The following ADPRS variants were observed in gnomAD, a reference collection of about 807,000 sequenced individuals.
ADPRS encodes ADP-ribosylhydrolase ARH3.
In ADPRS, 25 loss-of-function variants were observed where a neutral mutation model predicts 32.1. The ratio of observed to expected loss-of-function variants is 0.78; its 90% CI spans 0.57 to 1.09. The LOEUF (loss-of-function observed/expected upper bound fraction) is 1.09. Ranked by LOEUF, ADPRS falls within the 50% of genes least tolerant of loss-of-function variation. The pLI is 0.00. For synonymous variants in ADPRS, 225 were observed against 201.0 expected, an observed-to-expected ratio of 1.12 and a Z score of -1.01; for missense variants, 482 against 480.6, an observed-to-expected ratio of 1.00 and a Z score of -0.03.
Position 36,093,170 on chromosome 1 carries a change from T to C in ADPRS, c.876T>C (p.Pro292=). 6.2e-7 allele frequency: 1 copy of C among 1,614,234 alleles called. No individual in the cohort carries two copies. The highest frequency in any genetic ancestry group is 1.1e-5 in the South Asian group (1 of 91,090). Residue 292 remains proline (P), a synonymous_variant, in exon 6 of 6, where the codon CCT becomes CCC. Coordinates refer to ENST00000373178, the MANE Select transcript of ADPRS (RefSeq NM_017825.3). ...TCCTACGCTGCATGGAGCCAGACCCTGAGATCCCTTCTGCCTTCAATAGCC... is the reference window on the plus strand; with the variant it reads ...TCCTACGCTGCATGGAGCCAGACCCCGAGATCCCTTCTGCCTTCAATAGCC... ...YCFLRCMEPD[P]EIPSAFNSLQ... is the part of the protein sequence containing the mutation.
rs771497461 is a variant in ADPRS, at chr1:36,093,467, G to C, written c.*81G>C. On this transcript the variant is annotated 3_prime_UTR_variant, in exon 6 of 6. Transcript: ENST00000373178. ...AATCAGAAACCCTGCGCTTCCTTGA[G>C]TGTGGCTTCCCACTTTTCCTGCATT... The C allele has an allele frequency of 6.6e-7, 1 of 1,526,004 alleles. No individual in the cohort carries two copies. Among genetic ancestry groups the C allele is most frequent in the Non-Finnish European group, 8.8e-7 (1 of 1,132,632 alleles). 94.5% of individuals were successfully genotyped at this position (1,526,004 alleles called of 1,614,324 possible).
rs1406161225 is a variant in ADPRS at position 36,088,952 on chromosome 1, G to A, written c.48G>A (p.Ala16=). 2.6e-6 allele frequency: 4 copies of A among 1,512,914 alleles called. No homozygotes were observed. The African/African-American group carries it at 5.8e-5, about 22-fold the overall frequency. 93.7% of individuals were successfully genotyped at this position (1,512,914 alleles called of 1,614,324 possible). The change falls in exon 1 of 6, where the codon GCG becomes GCA. Residue 16 remains alanine, a synonymous_variant. Transcript: ENST00000373178. ...MAAAAGGGAG[A]ARSLSRFRGC... is the part of the protein sequence containing the mutation. ...CAGCGGCAGGTGGAGGGGCTGGCGC[G>A]GCCCGCTCCCTCTCGCGCTTCCGAG...
In ADPRS at chr1:36,093,287, G is replaced by C. The variant is rs757925811; in HGVS notation, c.993G>C (p.Gly331=). 6.2e-7 allele frequency: 1 copy of C among 1,614,250 alleles called. No homozygotes were observed. Among genetic ancestry groups the C allele is most frequent in the Admixed American group, 1.7e-5 (1 of 60,032 alleles). Residue 331 remains glycine, a synonymous_variant, in exon 6 of 6, where the codon GGG becomes GGC. Coordinates refer to ENST00000373178, the MANE Select transcript of ADPRS (RefSeq NM_017825.3). ...GGGCCATTGCTGGTGCCTACTATGG[G>C]ATGGATCAGGTGCCAGAGAGCTGGC... ...MAGAIAGAYY[G]MDQVPESWQQ...
In ADPRS at chr1:36,093,429, C is replaced by G. The variant is rs118183123; in HGVS notation, c.*43C>G. On this transcript the variant is annotated 3_prime_UTR_variant, in exon 6 of 6. Transcript: ENST00000373178. Reference sequence around the variant, plus strand: ...GGGGCTCTGCCAGGTCCCCTGGGACCAACTACAGCTCCAATCAGAAACCCT... The same window carrying G: ...GGGGCTCTGCCAGGTCCCCTGGGACGAACTACAGCTCCAATCAGAAACCCT... The G allele has an allele frequency of 5.8e-4, 914 of 1,580,980 alleles. 13 individuals are homozygous for G. In the East Asian group the frequency reaches 0.015, roughly 27 times the overall value.
Position 36,092,077 on chromosome 1 carries a change from C to T in ADPRS, c.684C>T (p.Ser228=), listed in dbSNP as rs764811203. 17 of 1,608,870 alleles carry T rather than the reference C, an allele frequency of 1.1e-5. No individual in the cohort carries two copies. Among genetic ancestry groups the T allele is most frequent in the Non-Finnish European group, 1.4e-5 (16 of 1,176,890 alleles). ...HMEDLEGDAQ[S]VLDARELGME... is the part of the protein sequence containing the mutation. Reference sequence around the variant, plus strand: ...AGGATCTGGAGGGTGATGCCCAGTCCGTCTTGGATGCCAGGGAGTGAGTAT... The same window carrying T: ...AGGATCTGGAGGGTGATGCCCAGTCTGTCTTGGATGCCAGGGAGTGAGTAT... The change falls in exon 4 of 6, where the codon TCC becomes TCT. Residue 228 remains serine (S), a synonymous_variant. Transcript: ENST00000373178.
chr1:36,090,120 G>C (rs1378833499), intron 1 of ADPRS, among the ~76,000 whole-genome samples: 2 of 152,156 alleles, frequency 1.3e-5, no homozygotes, highest in African/African-American at 4.8e-5. Context: ...CACTGGTGGT[G>C]TGCTCCAGAG....
At chr1:36,092,647 A>G (rs567797806) in intron 5 of ADPRS, 125 bp downstream of exon 5, 187 of 847,390 alleles carry the variant, frequency 2.2e-4, no homozygotes, top group Middle Eastern at 9.1e-4. Context: ...CACGGAGTCA[A>G]TGGCAGGGTT....
Position 36,088,898 on chromosome 1 carries a change from C to A in ADPRS, c.-7C>A. ...GGCACCGGAAGTGGCGAGCAGTCTG[C>A]GCGCGGATGGCCGCAGCGGCGATGG... On this transcript the variant is annotated 5_prime_UTR_variant, in exon 1 of 6. Transcript: ENST00000373178. 1 of 1,524,964 alleles carries A rather than the reference C, an allele frequency of 6.6e-7. No individual in the cohort carries two copies. The allele number at this position is 1,524,964 out of a possible 1,614,324, so 94.5% of individuals were successfully genotyped here. A position where few individuals can be genotyped will look rare whatever the true frequency, so the allele number is the denominator to read the frequency against.
In ADPRS at chr1:36,088,994, G is replaced by C. The variant is rs1207577479; in HGVS notation, c.90G>C (p.Ala30=). ...LSRFRGCLAG[A]LLGDCVGSFY... Reference sequence around the variant, plus strand: ...GCTTCCGAGGCTGCCTGGCTGGCGCGCTGCTCGGGGACTGCGTGGGCTCCT... The same window carrying C: ...GCTTCCGAGGCTGCCTGGCTGGCGCCCTGCTCGGGGACTGCGTGGGCTCCT... Residue 30 remains alanine, a synonymous_variant, in exon 1 of 6, where the codon GCG becomes GCC. Coordinates refer to ENST00000373178, the MANE Select transcript of ADPRS (RefSeq NM_017825.3). The C allele has an allele frequency of 6.7e-7, 1 of 1,483,550 alleles. No homozygotes were observed. The allele number at this position is 1,483,550 out of a possible 1,614,324, so 91.9% of individuals were successfully genotyped here. A position where few individuals can be genotyped will look rare whatever the true frequency, so the allele number is the denominator to read the frequency against.
At position 36,089,070 on chromosome 1, in the gene ADPRS, CAG is replaced by C. The variant is rs1570008399; in HGVS notation, c.169_170del (p.Leu58GlyfsTer10). The stretch of plus-strand genomic sequence containing the variant: ...CCTGACGTCAGTCCTGCGTCATGTC[CAG>C]AGTCTGGAGCCGGACCCCGGCACGC... The part of the protein sequence containing the change: ...VDLTSVLRHV[Q>X]SLEPDPGTPG... On this transcript the variant is annotated frameshift_variant, in exon 1 of 6. Transcript: ENST00000373178. LOFTEE classifies it high-confidence loss of function. The C allele has an allele frequency of 6.9e-7, 1 of 1,457,198 alleles. No homozygotes were observed. The highest frequency in any genetic ancestry group is 9.0e-7 in the Non-Finnish European group (1 of 1,108,210). The allele number at this position is 1,457,198 out of a possible 1,614,324, so 90.3% of individuals were successfully genotyped here.
intron 4 of ADPRS, 125 bp from the exon 5 acceptor site, chr1:36,092,297 G>T: frequency 1.7e-6 from 2 of 1,168,632 alleles, no homozygotes; most frequent in Non-Finnish European, 2.4e-6. Context: ...CCCACCTCTT[G>T]TCGGCACCTG....
chr1:36,088,903 G>C lies in ADPRS; in HGVS notation c.-2G>C. The C allele has an allele frequency of 6.6e-7, 1 of 1,526,646 alleles. No homozygotes were observed. Among genetic ancestry groups the C allele is most frequent in the Non-Finnish European group, 8.8e-7 (1 of 1,142,620 alleles). The allele number at this position is 1,526,646 out of a possible 1,614,324, so 94.6% of individuals were successfully genotyped here. ...CGGAAGTGGCGAGCAGTCTGCGCGC[G>C]GATGGCCGCAGCGGCGATGGCGGCA... On this transcript the variant is annotated 5_prime_UTR_variant, in exon 1 of 6. Coordinates refer to ENST00000373178, the MANE Select transcript of ADPRS (RefSeq NM_017825.3).
chr1:36,089,688 C>T (rs978102720), intron 1 of ADPRS, among the ~76,000 whole-genome samples: 2 of 152,156 alleles, frequency 1.3e-5, no homozygotes, highest in Non-Finnish European at 2.9e-5. Flanking sequence ...TTCCCATTAC[C>T]CTTAGTACAG....
Position 36,091,987 on chromosome 1 carries a change from G to A in ADPRS, c.594G>A (p.Val198=). Residue 198 remains valine, a synonymous_variant, in exon 4 of 6, where the codon GTG becomes GTA. Transcript: ENST00000373178. ...YNGAILQALA[V]HLALQGESSS... ...GCGCCATCCTGCAGGCCCTGGCTGT[G>A]CACCTGGCCTTGCAGGGCGAGTCTT... 1.2e-6 allele frequency: 2 copies of A among 1,614,050 alleles called. No individual in the cohort carries two copies. The highest frequency in any genetic ancestry group is 1.3e-5 in the African/African-American group (1 of 75,050).
chr1:36,092,587 G>T (rs1437817879), intron 5 of ADPRS, 65 bp downstream of exon 5: 2 of 1,499,550 alleles, frequency 1.3e-6, no homozygotes, highest in Non-Finnish European at 1.9e-6. Context: ...TTGGGCTCAG[G>T]GGAGCATGGA....
rs1326622051 is a variant in ADPRS, at chr1:36,088,927, C to T, written c.23C>T (p.Ala8Val). 7.2e-6 allele frequency: 11 copies of T among 1,525,888 alleles called. No homozygotes were observed. Among genetic ancestry groups the T allele is most frequent in the Middle Eastern group, 2.1e-4 (1 of 4,766 alleles). The allele number at this position is 1,525,888 out of a possible 1,614,324, so 94.5% of individuals were successfully genotyped here. Reference protein sequence around the residue: MAAAAMAAAAGGGAGAAR... With the variant: MAAAAMAVAAGGGAGAAR... ...CGGATGGCCGCAGCGGCGATGGCGG[C>T]AGCGGCAGGTGGAGGGGCTGGCGCG... The change falls in exon 1 of 6, where the codon GCA (alanine) becomes GTA (valine). Residue 8 changes from alanine (A) to valine (V), a missense_variant. By Grantham distance (64) the Ala-to-Val change is moderately conservative (BLOSUM62 0). Coordinates refer to ENST00000373178, the MANE Select transcript of ADPRS (RefSeq NM_017825.3).
chr1:36,089,578 C>A (rs192697683), intron 1 of ADPRS, among the ~76,000 whole-genome samples: 4 of 152,262 alleles, frequency 2.6e-5, no homozygotes, highest in African/African-American at 9.6e-5. Flanking sequence ...TCCCGGTTCT[C>A]TAGAGTCAGT....
chr1:36,091,588 C>T (rs551081467), intron 2 of ADPRS, 30 bp from the exon 3 acceptor site: 5 of 1,547,646 alleles, frequency 3.2e-6, no homozygotes, highest in South Asian at 1.2e-5. Context: ...TCTTGTAAAT[C>T]TGAATTCTGT....
intron 5 of ADPRS, 92 bp downstream of exon 5, chr1:36,092,614 C>A: frequency 8.3e-7 from 1 of 1,199,802 alleles, no homozygotes; most frequent in Non-Finnish European, 1.2e-6. Flanking sequence ...CCTGCCGTCG[C>A]ATTGTACCCT....
Sources: allele counts gnomAD v4.1 joint callset (sites outside exome capture counted in the v4.1 genomes callset), GRCh38; gene constraint gnomAD v4.1.1; transcripts MANE v1.5; gene names NCBI Gene and HGNC (gene_info 2026-07-23, HGNC 2026-07-21).